Variants in SHF observed in about 807,000 individuals in gnomAD.
SHF encodes the protein Src homology 2 domain containing F, also known as SH2 domain-containing adapter protein F.
A neutral mutation model predicts 42.4 loss-of-function variants in SHF; 30 were observed. The ratio of observed to expected loss-of-function variants is 0.71; its 90% confidence interval spans 0.53 to 0.96. The LOEUF is 0.96. SHF is among the 40% of genes least tolerant of loss of function. The pLI is 0.00. For missense variants in SHF, 598 were observed against 634.0 expected (o/e 0.94, Z 0.61); for synonymous variants, 264 against 269.9 (o/e 0.98, Z 0.21).
chr15:45,168,261 ATT>A (rs1897313755), intron 6 of SHF, 128 bp from the exon 7 acceptor site: 1 of 907,636 alleles, frequency 1.1e-6, no homozygotes, highest in South Asian at 1.9e-5. Context: ...ATGACAGGTG[ATT>A]AGGGGAGGTG....
chr15:45,172,672 T>C (rs527864709), intron 4 of SHF, among the ~76,000 whole-genome samples: 1 of 152,216 alleles, frequency 6.6e-6, no homozygotes, highest in South Asian at 2.1e-4. Context: ...ACTGATAATA[T>C]TGTTTCTTTC....
chr15:45,192,337 T>C (rs1192138852), upstream of SHF, among the ~76,000 whole-genome samples: 2 of 150,136 alleles, frequency 1.3e-5, no homozygotes, highest in African/African-American at 4.9e-5. Flanking sequence ...TCCCTACAGT[T>C]TTTTTTTTTT....
At chr15:45,198,650 A>G in intron 2 of SHF, 3 of 1,276,574 alleles carry the variant, frequency 2.4e-6, no homozygotes, top group Non-Finnish European at 3.2e-6. Context: ...GCCACAACGC[A>G]GAGTACTAAC....
chr15:45,178,175 C>A lies in SHF; in HGVS notation c.630G>T (p.Lys210Asn), dbSNP rs1431873816. Reference sequence around the variant, plus strand: ...GCCCCTGTCACTCACCGGCCATCATCTTTTGAGCCTCATAGGGCTCCATGT... The same window carrying A: ...GCCCCTGTCACTCACCGGCCATCATATTTTGAGCCTCATAGGGCTCCATGT... ...DGYMEPYEAQ[K>N]MMAEIRGSKE... Residue 210 changes from lysine (K) to asparagine (N), a missense_variant, in exon 2 of 7, where the codon AAG becomes AAT. Coordinates refer to ENST00000690270, the MANE Select transcript of SHF (RefSeq NM_001394037.1). 1.2e-6 allele frequency: 2 copies of A among 1,612,832 alleles called. No individual in the cohort carries two copies.
chr15:45,176,839 T>G (rs955852917), intron 2 of SHF, among the ~76,000 whole-genome samples: 1 of 152,248 alleles, frequency 6.6e-6, no homozygotes, highest in Non-Finnish European at 1.5e-5. Context: ...CCACACCCTC[T>G]GACCTAAATG....
chr15:45,190,663 C>A (rs1341655569), upstream of SHF, among the ~76,000 whole-genome samples: 1 of 152,004 alleles, frequency 6.6e-6, no homozygotes. Context: ...AGGATTTGGA[C>A]AGATGAAGCA....
At position 45,198,620 on chromosome 15, in the gene SHF, T is replaced by G. The variant is rs566083904; in HGVS notation, c.303+152A>C. 4.3e-5 allele frequency: 41 copies of G among 943,006 alleles called. No individual in the cohort carries two copies. The Admixed American group carries it at 8.9e-4, about 21-fold the overall frequency. The allele number at this position is 943,006 out of a possible 1,614,324, so 58.4% of individuals were successfully genotyped here. On this transcript the variant is annotated intron_variant, in intron 2 of 7. Transcript: ENST00000290894. ...TGTTCCCACAATGCCGTGACTCGGA[T>G]TCGAACCGAGGTTGCTGCGGCCACA...
At position 45,187,773 on chromosome 15, in the gene SHF, C is replaced by A; in HGVS notation, c.179G>T (p.Gly60Val). The change falls in exon 1 of 7, where the codon GGG (glycine) becomes GTG (valine). Residue 60 changes from glycine to valine, a missense_variant. Coordinates refer to ENST00000690270, the MANE Select transcript of SHF (RefSeq NM_001394037.1). ...CTTGCTGCCCCCTCCGCCGCCGCCCCCCCCGCGGAAGCCCAGGTGCTCCCG... is the reference window on the plus strand; with the variant it reads ...CTTGCTGCCCCCTCCGCCGCCGCCCACCCCGCGGAAGCCCAGGTGCTCCCG... The part of the protein sequence containing the change: ...WLREHLGFRG[G>V]GGGGGGSKPA... 1.1e-6 allele frequency: 1 copy of A among 900,700 alleles called. No homozygotes were observed. The highest frequency in any genetic ancestry group is 1.4e-6 in the Non-Finnish European group (1 of 695,028). 55.8% of individuals were successfully genotyped at this position (900,700 alleles called of 1,614,324 possible).
At chr15:45,191,520 C>T (rs536877375), upstream of SHF, among the ~76,000 whole-genome samples, 1 of 152,276 alleles carries the variant, frequency 6.6e-6, no homozygotes, top group South Asian at 2.1e-4. Context: ...AAGCAGTTCG[C>T]CATAGTATCA....
intron 1 of SHF, chr15:45,199,151 C>A: frequency 7.0e-7 from 1 of 1,424,302 alleles, no homozygotes; most frequent in Non-Finnish European, 9.3e-7. Context: ...GAAAAAAATT[C>A]AGCAAACGCA....
chr15:45,187,810 C>G lies in SHF; in HGVS notation c.142G>C (p.Ala48Pro). Residue 48 changes from alanine (A) to proline (P), a missense_variant, in exon 1 of 7, where the codon GCC (alanine) becomes CCC (proline). Around this residue, in one of 2 missense-constraint regions of SHF, gnomAD observed 159 missense variants for 109.3 expected, o/e 1.45. Transcript: ENST00000690270. Reference protein sequence around the residue: ...GPGGGGSGGVAKWLREHLGFR... With the variant: ...GPGGGGSGGVPKWLREHLGFR... Reference sequence around the variant, plus strand: ...CCCAGGTGCTCCCGGAGCCACTTGGCTACTCCGCCGCTGCCGCCCCCTCCT... The same window carrying G: ...CCCAGGTGCTCCCGGAGCCACTTGGGTACTCCGCCGCTGCCGCCCCCTCCT... The G allele has an allele frequency of 1.1e-6, 1 of 890,834 alleles. No individual in the cohort carries two copies. The highest frequency in any genetic ancestry group is 1.5e-6 in the Non-Finnish European group (1 of 685,148). 55.2% of individuals were successfully genotyped at this position (890,834 alleles called of 1,614,324 possible).
At chr15:45,190,710 A>G (rs564337484), upstream of SHF, among the ~76,000 whole-genome samples, 49 of 152,286 alleles carry the variant, frequency 3.2e-4, no homozygotes, top group Admixed American at 5.2e-4. Flanking sequence ...GGAGGTCGGC[A>G]TTAGCTGGAC....
At chr15:45,179,938 C>A (rs553525059) in intron 1 of SHF, among the ~76,000 whole-genome samples, 1 of 152,116 alleles carries the variant, frequency 6.6e-6, no homozygotes, top group African/African-American at 2.4e-5. Flanking sequence ...CTCTTCACCT[C>A]GGAGACCCCT....
intron 1 of SHF, 93 bp downstream of exon 1, chr15:45,187,361 G>C: frequency 1.7e-6 from 2 of 1,181,874 alleles, no homozygotes; most frequent in Non-Finnish European, 2.1e-6. Context: ...GAGACACCGA[G>C]GGGCCCGGGC....
At chr15:45,191,944 A>AG (rs1898719271), upstream of SHF, among the ~76,000 whole-genome samples, 1 of 152,026 alleles carries the variant, frequency 6.6e-6, no homozygotes, top group East Asian at 1.9e-4. Context: ...AAAAAAAAAA[A>AG]AAGTAAGTGT....
At chr15:45,190,338 CAG>C (rs1449957596), upstream of SHF, among the ~76,000 whole-genome samples, 1 of 152,164 alleles carries the variant, frequency 6.6e-6, no homozygotes, top group Non-Finnish European at 1.5e-5. Flanking sequence ...TAATGTATAT[CAG>C]AGAGTCTCCA....
intron 1 of SHF, among the ~76,000 whole-genome samples, chr15:45,185,015 T>A (rs941868275): frequency 6.6e-6 from 1 of 152,228 alleles, no homozygotes; most frequent in African/African-American, 2.4e-5. Context: ...GTCGAGGACC[T>A]GGTTCTCTCC....
chr15:45,198,679 A>G, intron 2 of SHF: 1 of 1,482,020 alleles, frequency 6.7e-7, no homozygotes, highest in Non-Finnish European at 9.0e-7. Context: ...GATCACGGCG[A>G]GCTACCGGGG....
intron 4 of SHF, among the ~76,000 whole-genome samples, 174 bp downstream of exon 4, chr15:45,173,402 A>G (rs1241188389): frequency 6.6e-6 from 1 of 152,210 alleles, no homozygotes; most frequent in African/African-American, 2.4e-5. Flanking sequence ...AGAAGACACC[A>G]TCCCACAGCT....
Sources: allele counts gnomAD v4.1 joint callset (sites outside exome capture counted in the v4.1 genomes callset), GRCh38; gene constraint gnomAD v4.1.1; regional missense constraint gnomAD v4.1.1; transcripts MANE v1.5; gene names NCBI Gene and HGNC (gene_info 2026-07-23, HGNC 2026-07-21).